The following ACACA variants were observed in gnomAD, a reference collection of about 807,000 sequenced individuals.
The protein encoded by ACACA is acetyl-CoA carboxylase 1.
ACACA carries 103 observed loss-of-function variants against 296.1 expected under a neutral mutation model. The ratio of observed to expected loss-of-function variants is 0.35; its 90% CI spans 0.30 to 0.41. The LOEUF (loss-of-function observed/expected upper bound fraction) is 0.41. Ranked by LOEUF, ACACA falls within the 10% of genes least tolerant of loss-of-function variation. ACACA has a pLI of 1.00. For synonymous variants in ACACA, 953 were observed against 1,038.6 expected (o/e 0.92, Z 1.58); for missense variants, 1,554 against 2,989.7 (o/e 0.52, Z 11.20).
At chr17:37,217,615 G>C (rs904483786) in intron 29 of ACACA, among the ~76,000 whole-genome samples, 1 of 149,662 alleles carries the variant, frequency 6.7e-6, no homozygotes, top group Non-Finnish European at 1.5e-5. Flanking sequence ...GGCACCTGTA[G>C]TCCCAGCTAC....
chr17:37,405,190 T>C (rs1345407127), intron 1 of ACACA, among the ~76,000 whole-genome samples: 1 of 152,226 alleles, frequency 6.6e-6, no homozygotes, highest in African/African-American at 2.4e-5. Flanking sequence ...GCCTTCCTTA[T>C]CTACCCTAAC....
chr17:37,263,214 G>A (rs558770024), intron 11 of ACACA, among the ~76,000 whole-genome samples: 6 of 152,280 alleles, frequency 3.9e-5, no homozygotes, highest in East Asian at 3.9e-4. Flanking sequence ...TAGTTATTCC[G>A]AAGGCATCGC....
At chr17:37,231,259 A>T (rs2079848011) in intron 25 of ACACA, among the ~76,000 whole-genome samples, 1 of 152,054 alleles carries the variant, frequency 6.6e-6, no homozygotes, top group Non-Finnish European at 1.5e-5. Context: ...TACACAGTTG[A>T]CTGACAGAAG....
intron 52 of ACACA, among the ~76,000 whole-genome samples, chr17:37,105,300 GT>G (rs1315563777): frequency 2.0e-5 from 3 of 152,140 alleles, no homozygotes; most frequent in Non-Finnish European, 4.4e-5. Flanking sequence ...ATATTAAAGT[GT>G]TTTTAAAAAC....
chr17:37,152,948 A>G (rs1725989192), intron 43 of ACACA, among the ~76,000 whole-genome samples: 1 of 151,986 alleles, frequency 6.6e-6, no homozygotes, highest in Admixed American at 6.6e-5. Flanking sequence ...TGCTTCCCAG[A>G]TTCTGCTGCC....
intron 35 of ACACA, among the ~76,000 whole-genome samples, chr17:37,195,010 C>T (rs927914941): frequency 6.6e-6 from 1 of 151,164 alleles, no homozygotes; most frequent in African/African-American, 2.5e-5. Context: ...GCTGAGGTGT[C>T]GATAAATATC....
chr17:37,253,658 C>T (rs1233842089), intron 14 of ACACA, among the ~76,000 whole-genome samples: 1 of 152,126 alleles, frequency 6.6e-6, no homozygotes, highest in Non-Finnish European at 1.5e-5. Context: ...GCAAGTCACC[C>T]TCAGCTTTTA....
intron 3 of ACACA, 78 bp downstream of exon 3, chr17:37,330,095 A>T: frequency 6.4e-7 from 1 of 1,571,240 alleles, no homozygotes; most frequent in Middle Eastern, 1.7e-4. Context: ...AGCTGAAATC[A>T]TCCTTGCTCT....
intron 3 of ACACA, among the ~76,000 whole-genome samples, chr17:37,297,538 T>A (rs569194817): frequency 1.1e-4 from 14 of 127,272 alleles, no homozygotes; most frequent in Admixed American, 4.0e-4. Context: ...TGTGTATATA[T>A]ATATATATAC....
chr17:37,163,301 C>A (rs917812674), intron 41 of ACACA, among the ~76,000 whole-genome samples: 1 of 151,384 alleles, frequency 6.6e-6, no homozygotes, highest in East Asian at 1.9e-4. Flanking sequence ...TGTGCTGGGT[C>A]CCCCTTCACC....
chr17:37,316,402 T>C (rs989409336), intron 3 of ACACA, among the ~76,000 whole-genome samples: 2 of 151,998 alleles, frequency 1.3e-5, no homozygotes, highest in African/African-American at 2.4e-5. Context: ...CAAGACCTTA[T>C]TGGACCCTTA....
intron 1 of ACACA, among the ~76,000 whole-genome samples, chr17:37,373,470 C>T (rs1473360246): frequency 6.6e-6 from 1 of 152,128 alleles, no homozygotes; most frequent in Non-Finnish European, 1.5e-5. Context: ...TGGTCTTGAA[C>T]TCCTGACCTC....
chr17:37,277,004 A>G (rs1365672133), intron 7 of ACACA, 29 bp downstream of exon 7: 28 of 1,593,098 alleles, frequency 1.8e-5, no homozygotes, highest in Non-Finnish European at 2.3e-5. Flanking sequence ...AAGAAACAGA[A>G]AGACGGACAA....
chr17:37,243,604 C>A (rs772984662), intron 21 of ACACA, 45 bp from the exon 22 acceptor site: 1 of 1,580,980 alleles, frequency 6.3e-7, no homozygotes, highest in South Asian at 1.1e-5. Flanking sequence ...TTAACACAAT[C>A]CCCCAAATAA....
chr17:37,136,822 G>A (rs1214456855), intron 45 of ACACA, among the ~76,000 whole-genome samples: 1 of 151,942 alleles, frequency 6.6e-6, no homozygotes. Flanking sequence ...CATGCCTGTA[G>A]TCCCTAGCTA....
intron 3 of ACACA, among the ~76,000 whole-genome samples, chr17:37,320,379 C>T (rs894642350): frequency 1.3e-5 from 2 of 151,756 alleles, no homozygotes; most frequent in Admixed American, 6.6e-5. Context: ...GGCATGGTGG[C>T]GCACACCTGT....
chr17:37,388,174 C>T (rs1399055868), intron 1 of ACACA, among the ~76,000 whole-genome samples: 1 of 151,930 alleles, frequency 6.6e-6, no homozygotes, highest in Non-Finnish European at 1.5e-5. Flanking sequence ...TGCATATTAG[C>T]CATTTGCCGC....
chr17:37,278,487 A>C (rs1471487793), intron 5 of ACACA, among the ~76,000 whole-genome samples: 1 of 152,244 alleles, frequency 6.6e-6, no homozygotes, highest in East Asian at 1.9e-4. Context: ...GGTTAGTTAC[A>C]GGAGTGTCTG....
intron 42 of ACACA, among the ~76,000 whole-genome samples, chr17:37,158,690 A>T (rs2076348926): frequency 6.6e-6 from 1 of 152,072 alleles, no homozygotes. Context: ...GAATAGGAAA[A>T]GAGGAGTAGT....
Sources: gnomAD v4.1 joint callset for allele counts (sites outside exome capture counted in the v4.1 genomes callset) on GRCh38, gnomAD v4.1.1 for gene constraint, MANE v1.5 for transcripts, NCBI Gene and HGNC (gene_info 2026-07-23, HGNC 2026-07-21) for gene names.